The following SUPT20HL1 variants were observed in gnomAD, a reference collection of about 807,000 sequenced individuals.
The protein encoded by SUPT20HL1 is SUPT20H like 1, also known as transcription factor SPT20 homolog-like 1.
For missense variants in SUPT20HL1, 277 were observed against 200.3 expected, an observed-to-expected ratio of 1.38 and a Z score of -2.31; for synonymous variants, 133 against 79.2, an observed-to-expected ratio of 1.68 and a Z score of -3.61.
rs188942017 is a variant in SUPT20HL1, at chrX:24,362,311, C to G, written c.-450C>G. Among the ~76,000 whole-genome samples, 57 of 112,634 alleles carry G rather than the reference C, an allele frequency of 5.1e-4. No individual in the cohort carries two copies. The highest frequency in any genetic ancestry group is 1.8e-3 in the African/African-American group (57 of 31,074). On this transcript the variant is annotated 5_prime_UTR_variant, in exon 1 of 1. Coordinates refer to ENST00000686983, the MANE Select transcript of SUPT20HL1 (RefSeq NM_001136234.3). ...AGTGCACATGCGCATAGACGGGGCCCAGGAGCTGACCCTGGCCCTCCCGTT... is the reference window on the plus strand; with the variant it reads ...AGTGCACATGCGCATAGACGGGGCCGAGGAGCTGACCCTGGCCCTCCCGTT...
chrX:24,365,475 A>G lies in SUPT20HL1; in HGVS notation c.*51A>G, dbSNP rs767307508. On this transcript the variant is annotated 3_prime_UTR_variant, in exon 1 of 1. Coordinates refer to ENST00000686983, the MANE Select transcript of SUPT20HL1 (RefSeq NM_001136234.3). Reference sequence around the variant, plus strand: ...TAAAAGCACAGGAGCATTGACTCAAATGATTTCCCAGTTTTTACTTGAGTT... The same window carrying G: ...TAAAAGCACAGGAGCATTGACTCAAGTGATTTCCCAGTTTTTACTTGAGTT... 39 of 326,339 alleles carry G rather than the reference A, an allele frequency of 1.2e-4. No homozygotes were observed. The highest frequency in any genetic ancestry group is 1.1e-3 in the African/African-American group (39 of 36,496). 26.9% of individuals were successfully genotyped at this position (326,339 alleles called of 1,213,427 possible).
chrX:24,364,290 TGC>T lies in SUPT20HL1; in HGVS notation c.1531_1532del (p.Ala511CysfsTer69), dbSNP rs1939455362. 1.0e-6 allele frequency: 1 copy of T among 965,514 alleles called. No individual in the cohort carries two copies. Among genetic ancestry groups the T allele is most frequent in the African/African-American group, 2.1e-5 (1 of 47,672 alleles). The allele number at this position is 965,514 out of a possible 1,213,427, so 79.6% of individuals were successfully genotyped here. A position where few individuals can be genotyped will look rare whatever the true frequency, so the allele number is the denominator to read the frequency against. On this transcript the variant is annotated frameshift_variant, in exon 1 of 1. Coordinates refer to ENST00000686983, the MANE Select transcript of SUPT20HL1 (RefSeq NM_001136234.3). LOFTEE classifies it low-confidence loss of function (END_TRUNC). Reference protein sequence around the residue: ...AAAAAAAAAAAAAAAAAPAPA... With the variant: ...AAAAAAAAAAXAAAAAAPAPA... ...CTGCTGCTGCTGCTGCTGCTGCTGC[TGC>T]TGCTGCTGCTGCTGCTGCTCCTGCT...
rs745347388 is a variant in SUPT20HL1, at chrX:24,366,352, C to A, written c.*928C>A. 9.0e-6 allele frequency among the ~76,000 whole-genome samples: 1 copy of A among 111,578 alleles called. No homozygotes were observed. Among genetic ancestry groups the A allele is most frequent in the South Asian group, 3.8e-4 (1 of 2,634 alleles). On this transcript the variant is annotated 3_prime_UTR_variant, in exon 1 of 1. Transcript: ENST00000686983. ...TTTTGAAAAATGAAATGAAAAAGTACAATACAGTGATCCTTGTCACACTGC... is the reference window on the plus strand; with the variant it reads ...TTTTGAAAAATGAAATGAAAAAGTAAAATACAGTGATCCTTGTCACACTGC...
In SUPT20HL1 at chrX:24,364,571, G is replaced by T. The variant is rs370107923; in HGVS notation, c.1811G>T (p.Gly604Val). The change falls in exon 1 of 1, where the codon GGC (glycine) becomes GTC (valine). Residue 604 changes from glycine to valine, a missense_variant. Coordinates refer to ENST00000686983, the MANE Select transcript of SUPT20HL1 (RefSeq NM_001136234.3). ...GCGCCAGCCATTCAGTTGAGGACAGGCTCCACTGGCCTAAAGGCCATCAAT... is the reference window on the plus strand; with the variant it reads ...GCGCCAGCCATTCAGTTGAGGACAGTCTCCACTGGCCTAAAGGCCATCAAT... ...KIAPAIQLRT[G>V]STGLKAINVE... The T allele has an allele frequency of 7.5e-6, 4 of 536,244 alleles. No individual in the cohort carries two copies. The African/African-American group carries it at 9.1e-5, about 12-fold the overall frequency. The allele number at this position is 536,244 out of a possible 1,213,427, so 44.2% of individuals were successfully genotyped here.
rs1289425186 is a variant in SUPT20HL1, at chrX:24,367,047, C to T, written c.*1623C>T. On this transcript the variant is annotated 3_prime_UTR_variant, in exon 1 of 1. Transcript: ENST00000686983. ...TTCTATGGATTTACCTAAATATCTC[C>T]TGTAAATGTAGTCATACAGTATGTG... is the stretch of plus-strand genomic sequence containing the variant. Among the ~76,000 whole-genome samples the T allele has an allele frequency of 9.0e-6, 1 of 110,554 alleles. No individual in the cohort carries two copies. Among genetic ancestry groups the T allele is most frequent in the East Asian group, 2.8e-4 (1 of 3,573 alleles).
Position 24,365,433 on chromosome X carries a change from G to A in SUPT20HL1, c.*9G>A, listed in dbSNP as rs941578511. ...CCCCTCCAGCGCCCTGAGGCTTGTG[G>A]TAGTTTGTCTCTCTTTTAAAAGCAC... On this transcript the variant is annotated 3_prime_UTR_variant, in exon 1 of 1. Transcript: ENST00000686983. 1 of 371,645 alleles carries A rather than the reference G, an allele frequency of 2.7e-6. No individual in the cohort carries two copies. Among genetic ancestry groups the A allele is most frequent in the African/African-American group, 2.5e-5 (1 of 39,481 alleles). The allele number at this position is 371,645 out of a possible 1,213,427, so 30.6% of individuals were successfully genotyped here.
In SUPT20HL1 at chrX:24,364,274, C is replaced by T. The variant is rs1382815384; in HGVS notation, c.1514C>T (p.Ala505Val). Residue 505 changes from alanine (A) to valine (V), a missense_variant, in exon 1 of 1, where the codon GCT becomes GTT. Ala to Val is a moderately conservative substitution (Grantham distance 64, BLOSUM62 0). Transcript: ENST00000686983. ...AAAAIAAAAA[A>V]AAAAAAAAAA... ...GCTGCTATTGCTGCTGCTGCTGCTG[C>T]TGCTGCTGCTGCTGCTGCTGCTGCT... 1.1e-5 allele frequency: 10 copies of T among 918,523 alleles called. No homozygotes were observed. Among genetic ancestry groups the T allele is most frequent in the Non-Finnish European group, 1.4e-5 (9 of 657,900 alleles). 75.7% of individuals were successfully genotyped at this position (918,523 alleles called of 1,213,427 possible).
rs1323669923 is a variant in SUPT20HL1 at position 24,362,236 on chromosome X, T to C, written c.-525T>C. Among the ~76,000 whole-genome samples the C allele has an allele frequency of 2.7e-5, 3 of 112,753 alleles. No homozygotes were observed. Among genetic ancestry groups the C allele is most frequent in the African/African-American group, 9.7e-5 (3 of 31,064 alleles). ...ACCCGGAAGTGCGGTGGGTGAGCCT[T>C]GCGCCCAGGAGGCTAGAGATGCAGG... On this transcript the variant is annotated 5_prime_UTR_variant, in exon 1 of 1. Coordinates refer to ENST00000686983, the MANE Select transcript of SUPT20HL1 (RefSeq NM_001136234.3).
rs778477395 is a variant in SUPT20HL1, at chrX:24,364,613, A to G, written c.1853A>G (p.Gln618Arg). 1 of 506,717 alleles carries G rather than the reference A, an allele frequency of 2.0e-6. No individual in the cohort carries two copies. The highest frequency in any genetic ancestry group is 3.7e-6 in the Non-Finnish European group (1 of 270,056). The allele number at this position is 506,717 out of a possible 1,213,427, so 41.8% of individuals were successfully genotyped here. Residue 618 changes from glutamine (Q) to arginine (R), a missense_variant, in exon 1 of 1, where the codon CAG becomes CGG. Gln to Arg is a conservative substitution (Grantham distance 43). Transcript: ENST00000686983. ...GCCATCAATGTGGAGGGCCCAGTCCAGGGAGCCCAGGCTTTGGGGAGCAGT... is the reference window on the plus strand; with the variant it reads ...GCCATCAATGTGGAGGGCCCAGTCCGGGGAGCCCAGGCTTTGGGGAGCAGT... ...LKAINVEGPV[Q>R]GAQALGSSFK...
Position 24,365,372 on chromosome X carries a change from G to C in SUPT20HL1, c.2612G>C (p.Ser871Thr), listed in dbSNP as rs756259994. The C allele has an allele frequency of 2.6e-6, 1 of 387,473 alleles. No homozygotes were observed. The allele number at this position is 387,473 out of a possible 1,213,427, so 31.9% of individuals were successfully genotyped here. ...CCACATCCAGGTGTGCAAGTAGGGA[G>C]CCAGTTGGTAGATCAGAGGAAGGAA... ...VQPHPGVQVGSQLVDQRKEGK... is the reference protein window; with the variant it reads ...VQPHPGVQVGTQLVDQRKEGK... The change falls in exon 1 of 1, where the codon AGC becomes ACC. Residue 871 changes from serine (S) to threonine (T), a missense_variant. By Grantham distance (58) the Ser-to-Thr change is moderately conservative (BLOSUM62 1). Coordinates refer to ENST00000686983, the MANE Select transcript of SUPT20HL1 (RefSeq NM_001136234.3).
At position 24,362,528 on chromosome X, in the gene SUPT20HL1, G is replaced by C. The variant is rs916722957; in HGVS notation, c.-233G>C. On this transcript the variant is annotated 5_prime_UTR_variant, in exon 1 of 1. Transcript: ENST00000686983. ...CACTTCCGTTCCAGGCCGCAGAGAC[G>C]CGAAGTCCGGCCACGACGACGACCC... Among the ~76,000 whole-genome samples, 2 of 105,729 alleles carry C rather than the reference G, an allele frequency of 1.9e-5. No homozygotes were observed. The highest frequency in any genetic ancestry group is 1.0e-4 in the Admixed American group (1 of 10,024). 91.8% of individuals were successfully genotyped at this position (105,729 alleles called of 115,157 possible).
At position 24,362,534 on chromosome X, in the gene SUPT20HL1, T is replaced by C. The variant is rs373694221; in HGVS notation, c.-227T>C. Among the ~76,000 whole-genome samples, 134 of 99,220 alleles carry C rather than the reference T, an allele frequency of 1.4e-3. No individual in the cohort carries two copies. Among genetic ancestry groups the C allele is most frequent in the Admixed American group, 1.6e-3 (15 of 9,573 alleles). The allele number at this position is 99,220 out of a possible 115,157, so 86.2% of individuals were successfully genotyped here. A position where few individuals can be genotyped will look rare whatever the true frequency, so the allele number is the denominator to read the frequency against. ...CGTTCCAGGCCGCAGAGACGCGAAGTCCGGCCACGACGACGACCCCTCAGG... is the reference window on the plus strand; with the variant it reads ...CGTTCCAGGCCGCAGAGACGCGAAGCCCGGCCACGACGACGACCCCTCAGG... On this transcript the variant is annotated 5_prime_UTR_variant, in exon 1 of 1. Transcript: ENST00000686983.
rs1197217761 is a variant in SUPT20HL1 at position 24,367,477 on chromosome X, C to A, written c.*2053C>A. Among the ~76,000 whole-genome samples the A allele has an allele frequency of 1.8e-5, 2 of 112,411 alleles. No individual in the cohort carries two copies. The highest frequency in any genetic ancestry group is 3.8e-5 in the Non-Finnish European group (2 of 53,289). On this transcript the variant is annotated 3_prime_UTR_variant, in exon 1 of 1. Coordinates refer to ENST00000686983, the MANE Select transcript of SUPT20HL1 (RefSeq NM_001136234.3). ...CAGGTAACTGGTTAATCTTACTTGACAAAACCTATTACTAATGTGCTACTG... is the reference window on the plus strand; with the variant it reads ...CAGGTAACTGGTTAATCTTACTTGAAAAAACCTATTACTAATGTGCTACTG...
rs1281094402 is a variant in SUPT20HL1 at position 24,361,871 on chromosome X, A to C, written c.-890A>C. 1.8e-5 allele frequency among the ~76,000 whole-genome samples: 2 copies of C among 112,113 alleles called. No individual in the cohort carries two copies. The highest frequency in any genetic ancestry group is 3.2e-5 in the African/African-American group (1 of 30,846). ...ACACCCCCAGGCGGGAGCTCACTCG[A>C]CGACGACAGGAAGAATCCTGATGCT... is the stretch of plus-strand genomic sequence containing the variant. On this transcript the variant is annotated 5_prime_UTR_variant, in exon 1 of 1. Transcript: ENST00000686983.
chrX:24,367,326 T>A lies in SUPT20HL1; in HGVS notation c.*1902T>A, dbSNP rs1028298602. Among the ~76,000 whole-genome samples, 2 of 112,438 alleles carry A rather than the reference T, an allele frequency of 1.8e-5. No homozygotes were observed. Among genetic ancestry groups the A allele is most frequent in the African/African-American group, 6.5e-5 (2 of 30,921 alleles). On this transcript the variant is annotated 3_prime_UTR_variant, in exon 1 of 1. Coordinates refer to ENST00000686983, the MANE Select transcript of SUPT20HL1 (RefSeq NM_001136234.3). ...CTCTTATATTTTGCTCTGTTACAGC[T>A]TTGAAGGGTACCATGTTTATATAAT...
In SUPT20HL1 at chrX:24,360,988, G is replaced by C. The variant is rs1226603722; in HGVS notation, c.-1773G>C. ...AAGTGTCAGGGAATAATGCTCCCAG[G>C]ACTGTCCTCAGTCTATGAGAAAGAA... is the stretch of plus-strand genomic sequence containing the variant. On this transcript the variant is annotated 5_prime_UTR_variant, in exon 1 of 1. Coordinates refer to ENST00000686983, the MANE Select transcript of SUPT20HL1 (RefSeq NM_001136234.3). Among the ~76,000 whole-genome samples, 3 of 112,136 alleles carry C rather than the reference G, an allele frequency of 2.7e-5. No individual in the cohort carries two copies. The highest frequency in any genetic ancestry group is 2.8e-4 in the East Asian group (1 of 3,573).
At position 24,366,724 on chromosome X, in the gene SUPT20HL1, G is replaced by C. The variant is rs1432622333; in HGVS notation, c.*1300G>C. 1.1e-5 allele frequency among the ~76,000 whole-genome samples: 1 copy of C among 94,938 alleles called. No homozygotes were observed. The highest frequency in any genetic ancestry group is 5.6e-4 in the South Asian group (1 of 1,792). 82.4% of individuals were successfully genotyped at this position (94,938 alleles called of 115,157 possible). A position where few individuals can be genotyped will look rare whatever the true frequency, so the allele number is the denominator to read the frequency against. On this transcript the variant is annotated 3_prime_UTR_variant, in exon 1 of 1. Transcript: ENST00000686983. ...ATGCATCATCATCAGTTGTTCATCTGTTTCTGCTCCCTCATTTTTTCCCTT... is the reference window on the plus strand; with the variant it reads ...ATGCATCATCATCAGTTGTTCATCTCTTTCTGCTCCCTCATTTTTTCCCTT...
At position 24,363,172 on chromosome X, in the gene SUPT20HL1, C is replaced by T. The variant is rs1181704791; in HGVS notation, c.412C>T (p.His138Tyr). The T allele has an allele frequency of 2.6e-6, 1 of 378,793 alleles. No individual in the cohort carries two copies. The highest frequency in any genetic ancestry group is 5.3e-6 in the Non-Finnish European group (1 of 189,497). 31.2% of individuals were successfully genotyped at this position (378,793 alleles called of 1,213,427 possible). ...VLDKASVNIFHSGCVIVEVRD... is the reference protein window; with the variant it reads ...VLDKASVNIFYSGCVIVEVRD... Reference sequence around the variant, plus strand: ...GGATAAAGCTTCGGTTAACATTTTTCATAGTGGGTGTGTCATAGTAGAAGT... The same window carrying T: ...GGATAAAGCTTCGGTTAACATTTTTTATAGTGGGTGTGTCATAGTAGAAGT... The change falls in exon 1 of 1, where the codon CAT (histidine) becomes TAT (tyrosine). Residue 138 changes from histidine to tyrosine, a missense_variant. Physicochemically the swap from His to Tyr is moderately conservative, Grantham distance 83. Coordinates refer to ENST00000686983, the MANE Select transcript of SUPT20HL1 (RefSeq NM_001136234.3).
In SUPT20HL1 at chrX:24,362,149, G is replaced by A. The variant is rs1335840138; in HGVS notation, c.-612G>A. Among the ~76,000 whole-genome samples, 2 of 112,852 alleles carry A rather than the reference G, an allele frequency of 1.8e-5. No homozygotes were observed. Among genetic ancestry groups the A allele is most frequent in the Non-Finnish European group, 3.7e-5 (2 of 53,394 alleles). On this transcript the variant is annotated 5_prime_UTR_variant, in exon 1 of 1. An upstream start codon of the reference 5' UTR is lost. Coordinates refer to ENST00000686983, the MANE Select transcript of SUPT20HL1 (RefSeq NM_001136234.3). ...ATCTATACCGTCATTGGTGGCTTAT[G>A]CTTTTGCATGTATGCTTTCAAGGTG... is the stretch of plus-strand genomic sequence containing the variant.
Sources: gnomAD v4.1 joint callset for allele counts (sites outside exome capture counted in the v4.1 genomes callset) on GRCh38, gnomAD v4.1.1 for gene constraint, MANE v1.5 for transcripts, NCBI Gene and HGNC (gene_info 2026-07-23, HGNC 2026-07-21) for gene names.